The following PPFIBP1 variants were observed in gnomAD, a reference collection of about 807,000 sequenced individuals.
PPFIBP1 encodes liprin-beta-1.
A neutral mutation model predicts 137.8 loss-of-function variants in PPFIBP1; 112 were observed. That is an observed-to-expected ratio of 0.81 (90% confidence interval 0.70 to 0.95). The LOEUF (loss-of-function observed/expected upper bound fraction) is 0.95. Among genes scored for constraint, PPFIBP1 ranks in the 40% least tolerant of loss-of-function variants. The pLI is 0.00. For synonymous variants in PPFIBP1, 378 were observed against 417.3 expected (o/e 0.91, Z 1.15); for missense variants, 1,083 against 1,196.6 (o/e 0.91, Z 1.40).
chr12:27,662,082 C>T (rs2059588724), intron 11 of PPFIBP1, among the ~76,000 whole-genome samples: 1 of 152,128 alleles, frequency 6.6e-6, no homozygotes, highest in Non-Finnish European at 1.5e-5. Flanking sequence ...GAGGGGCACC[C>T]AGCATAACAT....
chr12:27,665,246 G>C (rs1364007135), intron 12 of PPFIBP1, among the ~76,000 whole-genome samples: 1 of 152,154 alleles, frequency 6.6e-6, no homozygotes, highest in Non-Finnish European at 1.5e-5. Context: ...GAAGTGAGCA[G>C]TATTGAGAGC....
At chr12:27,663,007 C>T (rs1323806136) in intron 11 of PPFIBP1, among the ~76,000 whole-genome samples, 2 of 152,168 alleles carry the variant, frequency 1.3e-5, no homozygotes, top group African/African-American at 4.8e-5. Context: ...CTACAGTCAG[C>T]TGGTGGCTTA....
At chr12:27,598,939 G>T (rs1210801252) in intron 2 of PPFIBP1, among the ~76,000 whole-genome samples, 1 of 152,120 alleles carries the variant, frequency 6.6e-6, no homozygotes, top group African/African-American at 2.4e-5. Context: ...CTGTAATAAA[G>T]CTTCTTGAAG....
At chr12:27,670,977 C>G (rs2060160170) in intron 13 of PPFIBP1, among the ~76,000 whole-genome samples, 1 of 151,692 alleles carries the variant, frequency 6.6e-6, no homozygotes, top group Admixed American at 6.6e-5. Context: ...GTGTCAGAAC[C>G]AACATTTCAT....
intron 2 of PPFIBP1, among the ~76,000 whole-genome samples, chr12:27,627,704 C>T (rs987532928): frequency 4.6e-5 from 7 of 152,154 alleles, no homozygotes; most frequent in Admixed American, 6.5e-5. Context: ...AATGCTTTAG[C>T]CACCACATCC....
intron 1 of PPFIBP1, among the ~76,000 whole-genome samples, chr12:27,564,188 A>G (rs1390841553): frequency 6.6e-6 from 1 of 152,172 alleles, no homozygotes; most frequent in Non-Finnish European, 1.5e-5. Flanking sequence ...ACCTTTTTAC[A>G]TGAATTCAAC....
In PPFIBP1 at chr12:27,646,111, C is replaced by G. The variant is rs777488804; in HGVS notation, c.320C>G (p.Ala107Gly). The change falls in exon 5 of 30, where the codon GCA (alanine) becomes GGA (glycine). Residue 107 changes from alanine (A) to glycine (G), a missense_variant. Ala to Gly is a moderately conservative substitution (Grantham distance 60). Transcript: ENST00000228425. ...GNGDVYQERL[A>G]RLENDKESLV... is the part of the protein sequence containing the mutation. Reference sequence around the variant, plus strand: ...GGAGATGTGTATCAAGAAAGGCTGGCACGTTTAGAAAATGATAAAGAATCC... The same window carrying G: ...GGAGATGTGTATCAAGAAAGGCTGGGACGTTTAGAAAATGATAAAGAATCC... 1.2e-6 allele frequency: 2 copies of G among 1,612,056 alleles called. No homozygotes were observed. The highest frequency in any genetic ancestry group is 1.7e-6 in the Non-Finnish European group (2 of 1,178,498).
chr12:27,667,595 A>G (rs557717892), intron 13 of PPFIBP1, among the ~76,000 whole-genome samples: 1 of 152,356 alleles, frequency 6.6e-6, no homozygotes, highest in South Asian at 2.1e-4. Context: ...ACTGGCAGGA[A>G]AATCTGTTTG....
At chr12:27,640,805 CAA>C (rs2058064306) in intron 4 of PPFIBP1, among the ~76,000 whole-genome samples, 1 of 152,160 alleles carries the variant, frequency 6.6e-6, no homozygotes, top group Non-Finnish European at 1.5e-5. Context: ...CTGAAAGATT[CAA>C]GTCTTATCTC....
intron 2 of PPFIBP1, among the ~76,000 whole-genome samples, chr12:27,595,886 A>AATATAT (rs201970397): frequency 2.0e-4 from 21 of 102,464 alleles, no homozygotes; most frequent in Middle Eastern, 5.7e-3. Flanking sequence ...ACAACAACAA[A>AATATAT]ATATATATAT....
chr12:27,641,479 T>C (rs2058100900), intron 4 of PPFIBP1, among the ~76,000 whole-genome samples: 1 of 152,212 alleles, frequency 6.6e-6, no homozygotes, highest in Non-Finnish European at 1.5e-5. Context: ...TAATAACTAT[T>C]GAAATGGAAT....
intron 22 of PPFIBP1, 147 bp from the exon 23 acceptor site, chr12:27,682,240 C>T: frequency 3.1e-6 from 2 of 651,902 alleles, no homozygotes; most frequent in Non-Finnish European, 5.4e-6. Context: ...TTTTGTTCAA[C>T]AACACTTTAC....
chr12:27,531,324 G>A (rs866288200), intron 1 of PPFIBP1, among the ~76,000 whole-genome samples: 1 of 151,832 alleles, frequency 6.6e-6, no homozygotes, highest in African/African-American at 2.4e-5. Context: ...AGACAGTCTC[G>A]TGCTGTCACC....
intron 11 of PPFIBP1, among the ~76,000 whole-genome samples, chr12:27,661,485 C>T (rs983533383): frequency 2.0e-5 from 3 of 152,178 alleles, no homozygotes; most frequent in Admixed American, 6.6e-5. Context: ...TCCTCCCCCC[C>T]CAGTTGGTTC....
chr12:27,646,484 C>T (rs368726986), intron 5 of PPFIBP1, among the ~76,000 whole-genome samples: 4 of 150,190 alleles, frequency 2.7e-5, no homozygotes, highest in East Asian at 1.9e-4. Context: ...GCTCAAGCAA[C>T]CCTCCTACCT....
chr12:27,583,374 A>G (rs16932206), intron 2 of PPFIBP1, among the ~76,000 whole-genome samples: 2,670 of 152,326 alleles, frequency 0.018, 79 homozygotes, highest in African/African-American at 0.062. Flanking sequence ...TTTCCTGCTC[A>G]AGGAGGTCAC....
At chr12:27,655,113 T>C (rs772006966) in intron 8 of PPFIBP1, 3 of 1,449,568 alleles carry the variant, frequency 2.1e-6, no homozygotes, top group African/African-American at 2.8e-5. Flanking sequence ...CTATCTGTAG[T>C]TTTCTTTCAC....
chr12:27,647,444 ATG>A (rs2058594048), intron 5 of PPFIBP1, among the ~76,000 whole-genome samples: 1 of 152,202 alleles, frequency 6.6e-6, no homozygotes, highest in Non-Finnish European at 1.5e-5. Flanking sequence ...ACTTCTGTAC[ATG>A]CTGTCTTTCA....
At chr12:27,631,725 G>A (rs2057284520) in intron 2 of PPFIBP1, among the ~76,000 whole-genome samples, 2 of 152,084 alleles carry the variant, frequency 1.3e-5, no homozygotes, top group African/African-American at 2.4e-5. Context: ...AGAAGAACTC[G>A]GTAACTATTG....
Sources: allele counts gnomAD v4.1 joint callset (sites outside exome capture counted in the v4.1 genomes callset), GRCh38; gene constraint gnomAD v4.1.1; transcripts MANE v1.5; gene names NCBI Gene and HGNC (gene_info 2026-07-23, HGNC 2026-07-21).